Variants in KRTAP4-8 observed in about 807,000 individuals in gnomAD.
The protein encoded by KRTAP4-8 is keratin associated protein 4-8.
For missense variants in KRTAP4-8, 188 were observed against 237.4 expected, an observed-to-expected ratio of 0.79 and a Z score of 1.37; for synonymous variants, 66 against 86.6, an observed-to-expected ratio of 0.76 and a Z score of 1.32.
rs761803597 is a variant in KRTAP4-8, at chr17:41,097,976, T to A, written c.109A>T (p.Thr37Ser). Residue 37 changes from threonine (T) to serine (S), a missense_variant, in exon 1 of 1, where the codon ACC becomes TCC. Coordinates refer to ENST00000333822, the MANE Select transcript of KRTAP4-8 (RefSeq NM_031960.3). ...CTGTAGCTGGGGCGGTAGCAGGTGG[T>A]CCTGCAGCAGGTGGTCTGACAGCAG... ...PSCCQTTCCRTTCYRPSYSVS... is the reference protein window; with the variant it reads ...PSCCQTTCCRSTCYRPSYSVS... The A allele has an allele frequency of 9.3e-6, 15 of 1,613,182 alleles. No homozygotes were observed. In the Admixed American group the frequency reaches 2.3e-4, roughly 25 times the overall value.
Position 41,097,476 on chromosome 17 carries a change from T to C in KRTAP4-8, c.*51A>G. 2 of 1,530,596 alleles carry C rather than the reference T, an allele frequency of 1.3e-6. No individual in the cohort carries two copies. The highest frequency in any genetic ancestry group is 1.8e-6 in the Non-Finnish European group (2 of 1,135,994). The allele number at this position is 1,530,596 out of a possible 1,614,324, so 94.8% of individuals were successfully genotyped here. ...CCTAATATTCAGCACAGAAGAATGG[T>C]CTACATTTGTGGACCAGCGGTGAAG... On this transcript the variant is annotated 3_prime_UTR_variant, in exon 1 of 1. Coordinates refer to ENST00000333822, the MANE Select transcript of KRTAP4-8 (RefSeq NM_031960.3).
At position 41,097,532 on chromosome 17, in the gene KRTAP4-8, A is replaced by G. The variant is rs1456866334; in HGVS notation, c.553T>C (p.Cys185Arg). The G allele has an allele frequency of 1.3e-6, 2 of 1,562,640 alleles. No homozygotes were observed. The highest frequency in any genetic ancestry group is 2.7e-5 in the African/African-American group (2 of 73,222). The stretch of plus-strand genomic sequence containing the variant: ...GATGAGCCAGGGCAGTGGGCTCAGC[A>G]GCAAGAGGAGGCGCAGCACACGGGG... Reference protein sequence around the residue: ...PRPVCCASSCC With the variant: ...PRPVCCASSCR Residue 185 changes from cysteine (C) to arginine (R), a missense_variant, in exon 1 of 1, where the codon TGC becomes CGC. By Grantham distance (180) the Cys-to-Arg change is radical. Transcript: ENST00000333822.
rs2013855015 is a variant in KRTAP4-8 at position 41,097,030 on chromosome 17, T to A, written c.*497A>T. The A allele has an allele frequency of 1.2e-5, 2 of 163,454 alleles. No homozygotes were observed. The highest frequency in any genetic ancestry group is 2.7e-5 in the Non-Finnish European group (2 of 74,892). 10.1% of individuals were successfully genotyped at this position (163,454 alleles called of 1,614,324 possible). On this transcript the variant is annotated 3_prime_UTR_variant, in exon 1 of 1. Transcript: ENST00000333822. ...ATATATTTTGTGAACACAATAAAGA[T>A]AAAGAACTAATAAAATAGAAAAATT...
rs1172338161 is a variant in KRTAP4-8, at chr17:41,097,740, G to A, written c.345C>T (p.Cys115=). The part of the protein sequence containing the change: ...CVSSCCKPQC[C]QSVCCQPNCC... ...AGTTGGGCTGGCAGCACACAGACTG[G>A]CAGCACTGGGGCTTGCAGCAGCTGG... The change falls in exon 1 of 1, where the codon TGC becomes TGT. Residue 115 remains cysteine (C), a synonymous_variant. Coordinates refer to ENST00000333822, the MANE Select transcript of KRTAP4-8 (RefSeq NM_031960.3). 2.6e-6 allele frequency: 4 copies of A among 1,544,984 alleles called. No individual in the cohort carries two copies. In the African/African-American group the frequency reaches 5.4e-5, roughly 21 times the overall value.
In KRTAP4-8 at chr17:41,097,719, G is replaced by T. The variant is rs1381272923; in HGVS notation, c.366C>A (p.Pro122=). The T allele has an allele frequency of 3.4e-6, 5 of 1,486,618 alleles. No individual in the cohort carries two copies. Among genetic ancestry groups the T allele is most frequent in the African/African-American group, 1.4e-5 (1 of 72,306 alleles). The allele number at this position is 1,486,618 out of a possible 1,614,324, so 92.1% of individuals were successfully genotyped here. A position where few individuals can be genotyped will look rare whatever the true frequency, so the allele number is the denominator to read the frequency against. Residue 122 remains proline (P), a synonymous_variant, in exon 1 of 1, where the codon CCC becomes CCA. Coordinates refer to ENST00000333822, the MANE Select transcript of KRTAP4-8 (RefSeq NM_031960.3). ...TGCTGCAGCTGGGGCGGCAGCAGTT[G>T]GGCTGGCAGCACACAGACTGGCAGC... ...PQCCQSVCCQ[P]NCCRPSCSIS... is the part of the protein sequence containing the mutation.
Position 41,097,219 on chromosome 17 carries a change from C to G in KRTAP4-8, c.*308G>C, listed in dbSNP as rs2013859924. ...TGTGTACCTAATTGGGAAGGATATT[C>G]TGTAGGCTCAAAATGATTTTAAAAA... is the stretch of plus-strand genomic sequence containing the variant. On this transcript the variant is annotated 3_prime_UTR_variant, in exon 1 of 1. Transcript: ENST00000333822. 2.2e-5 allele frequency: 11 copies of G among 509,832 alleles called. No homozygotes were observed. The highest frequency in any genetic ancestry group is 1.9e-5 in the African/African-American group (1 of 52,094). 31.6% of individuals were successfully genotyped at this position (509,832 alleles called of 1,614,324 possible).
chr17:41,097,167 C>A lies in KRTAP4-8; in HGVS notation c.*360G>T, dbSNP rs2013858676. 2 of 324,178 alleles carry A rather than the reference C, an allele frequency of 6.2e-6. No homozygotes were observed. The highest frequency in any genetic ancestry group is 1.1e-5 in the Non-Finnish European group (2 of 178,662). The allele number at this position is 324,178 out of a possible 1,614,324, so 20.1% of individuals were successfully genotyped here. A position where few individuals can be genotyped will look rare whatever the true frequency, so the allele number is the denominator to read the frequency against. On this transcript the variant is annotated 3_prime_UTR_variant, in exon 1 of 1. Coordinates refer to ENST00000333822, the MANE Select transcript of KRTAP4-8 (RefSeq NM_031960.3). Reference sequence around the variant, plus strand: ...AAAGAATGACTGAAAGGCTGACAGACAAATAGTATGTTTGAAAGGGAGATA... The same window carrying A: ...AAAGAATGACTGAAAGGCTGACAGAAAAATAGTATGTTTGAAAGGGAGATA...
At position 41,097,319 on chromosome 17, in the gene KRTAP4-8, G is replaced by T. The variant is rs1197862418; in HGVS notation, c.*208C>A. 6.5e-6 allele frequency: 5 copies of T among 769,106 alleles called. No individual in the cohort carries two copies. The highest frequency in any genetic ancestry group is 1.0e-5 in the Non-Finnish European group (5 of 489,104). 47.6% of individuals were successfully genotyped at this position (769,106 alleles called of 1,614,324 possible). A position where few individuals can be genotyped will look rare whatever the true frequency, so the allele number is the denominator to read the frequency against. The stretch of plus-strand genomic sequence containing the variant: ...TTAATTCGTATTTGGTGCCATGACT[G>T]GAAGAAAAAGAAAGCAAGGGAGGGA... On this transcript the variant is annotated 3_prime_UTR_variant, in exon 1 of 1. Transcript: ENST00000333822.
At position 41,098,074 on chromosome 17, in the gene KRTAP4-8, G is replaced by T. The variant is rs1358537499; in HGVS notation, c.11C>A (p.Ser4Tyr). The T allele has an allele frequency of 1.9e-6, 3 of 1,542,788 alleles. No individual in the cohort carries two copies. Among genetic ancestry groups the T allele is most frequent in the Non-Finnish European group, 2.6e-6 (3 of 1,146,730 alleles). Residue 4 changes from serine to tyrosine, a missense_variant, in exon 1 of 1, where the codon TCC (serine) becomes TAC (tyrosine). Transcript: ENST00000333822. MVN[S>Y]CCGSVCSDQG... ...GTCAGAGCACACGGAGCCACAACAG[G>T]AGTTGACCATGGTGTCAGAGGGTGA...
chr17:41,097,300 C>G lies in KRTAP4-8; in HGVS notation c.*227G>C. On this transcript the variant is annotated 3_prime_UTR_variant, in exon 1 of 1. Coordinates refer to ENST00000333822, the MANE Select transcript of KRTAP4-8 (RefSeq NM_031960.3). ...TTAGCTAGTGGATTACAAATTAATT[C>G]GTATTTGGTGCCATGACTGGAAGAA... 1 of 665,592 alleles carries G rather than the reference C, an allele frequency of 1.5e-6. No individual in the cohort carries two copies. Among genetic ancestry groups the G allele is most frequent in the Non-Finnish European group, 2.5e-6 (1 of 399,290 alleles). The allele number at this position is 665,592 out of a possible 1,614,324, so 41.2% of individuals were successfully genotyped here.
At position 41,097,628 on chromosome 17, in the gene KRTAP4-8, G is replaced by C; in HGVS notation, c.457C>G (p.Pro153Ala). 6.3e-7 allele frequency: 1 copy of C among 1,579,320 alleles called. No individual in the cohort carries two copies. ...SCCRPCCCLR[P>A]VCGRVSCHTT... The stretch of plus-strand genomic sequence containing the variant: ...TGGCAGGAGACTCGGCCACAGACTG[G>C]ACGCAGGCAGCAGCAGGGGCGGCAG... The change falls in exon 1 of 1, where the codon CCA becomes GCA. Residue 153 changes from proline (P) to alanine (A), a missense_variant. Transcript: ENST00000333822.
Position 41,097,445 on chromosome 17 carries a change from A to C in KRTAP4-8, c.*82T>G. On this transcript the variant is annotated 3_prime_UTR_variant, in exon 1 of 1. Transcript: ENST00000333822. ...TGCTGAATGACATAAATCCCACTCCATGTGTCCTAATATTCAGCACAGAAG... is the reference window on the plus strand; with the variant it reads ...TGCTGAATGACATAAATCCCACTCCCTGTGTCCTAATATTCAGCACAGAAG... 1 of 1,493,774 alleles carries C rather than the reference A, an allele frequency of 6.7e-7. No homozygotes were observed. Among genetic ancestry groups the C allele is most frequent in the Non-Finnish European group, 9.0e-7 (1 of 1,114,660 alleles). 92.5% of individuals were successfully genotyped at this position (1,493,774 alleles called of 1,614,324 possible).
In KRTAP4-8 at chr17:41,097,958, TG is replaced by T; in HGVS notation, c.126del (p.Ser43AlafsTer194). On this transcript the variant is annotated frameshift_variant, in exon 1 of 1. Coordinates refer to ENST00000333822, the MANE Select transcript of KRTAP4-8 (RefSeq NM_031960.3). LOFTEE classifies it low-confidence loss of function (END_TRUNC). ...TTCCRTTCYR[P>X]SYSVSCCCRP... is the part of the protein sequence containing the mutation. ...CTGCAGCAGCAGGACACACTGTAGC[TG>T]GGGCGGTAGCAGGTGGTCCTGCAGC... 6.2e-7 allele frequency: 1 copy of T among 1,613,384 alleles called. No individual in the cohort carries two copies. The highest frequency in any genetic ancestry group is 1.1e-5 in the South Asian group (1 of 91,034).
In KRTAP4-8 at chr17:41,097,936, C is replaced by A; in HGVS notation, c.149G>T (p.Cys50Phe). The change falls in exon 1 of 1, where the codon TGC becomes TTC. Residue 50 changes from cysteine to phenylalanine, a missense_variant. Cys to Phe is a radical substitution (Grantham distance 205). Coordinates refer to ENST00000333822, the MANE Select transcript of KRTAP4-8 (RefSeq NM_031960.3). ...CACAGACTGGCAGCACTGGGGTCTG[C>A]AGCAGCAGGACACACTGTAGCTGGG... The part of the protein sequence containing the change: ...YRPSYSVSCC[C>F]RPQCCQSVCC... 1 of 1,604,950 alleles carries A rather than the reference C, an allele frequency of 6.2e-7. No individual in the cohort carries two copies.
At position 41,097,525 on chromosome 17, in the gene KRTAP4-8, G is replaced by T. The variant is rs1381426219; in HGVS notation, c.*2C>A. On this transcript the variant is annotated 3_prime_UTR_variant, in exon 1 of 1. Transcript: ENST00000333822. ...AGGGAGAGATGAGCCAGGGCAGTGGGCTCAGCAGCAAGAGGAGGCGCAGCA... is the reference window on the plus strand; with the variant it reads ...AGGGAGAGATGAGCCAGGGCAGTGGTCTCAGCAGCAAGAGGAGGCGCAGCA... 3 of 1,560,104 alleles carry T rather than the reference G, an allele frequency of 1.9e-6. No individual in the cohort carries two copies. The highest frequency in any genetic ancestry group is 2.6e-6 in the Non-Finnish European group (3 of 1,151,722).
rs1039405889 is a variant in KRTAP4-8, at chr17:41,097,347, T to C, written c.*180A>G. ...AGAAAAAGAAAGCAAGGGAGGGAGTTTAAAATGAACCAGAATGTTCTCACA... is the reference window on the plus strand; with the variant it reads ...AGAAAAAGAAAGCAAGGGAGGGAGTCTAAAATGAACCAGAATGTTCTCACA... On this transcript the variant is annotated 3_prime_UTR_variant, in exon 1 of 1. Transcript: ENST00000333822. The C allele has an allele frequency of 4.9e-6, 5 of 1,015,340 alleles. No homozygotes were observed. The highest frequency in any genetic ancestry group is 4.2e-6 in the Non-Finnish European group (3 of 711,730). 62.9% of individuals were successfully genotyped at this position (1,015,340 alleles called of 1,614,324 possible). A position where few individuals can be genotyped will look rare whatever the true frequency, so the allele number is the denominator to read the frequency against.
At position 41,097,291 on chromosome 17, in the gene KRTAP4-8, A is replaced by G. The variant is rs551963132; in HGVS notation, c.*236T>C. Reference sequence around the variant, plus strand: ...AATAATTTCTTAGCTAGTGGATTACAAATTAATTCGTATTTGGTGCCATGA... The same window carrying G: ...AATAATTTCTTAGCTAGTGGATTACGAATTAATTCGTATTTGGTGCCATGA... On this transcript the variant is annotated 3_prime_UTR_variant, in exon 1 of 1. Transcript: ENST00000333822. The G allele has an allele frequency of 1.5e-6, 1 of 652,484 alleles. No individual in the cohort carries two copies. Among genetic ancestry groups the G allele is most frequent in the South Asian group, 2.4e-5 (1 of 41,946 alleles). The allele number at this position is 652,484 out of a possible 1,614,324, so 40.4% of individuals were successfully genotyped here.
rs2013891515 is a variant in KRTAP4-8 at position 41,097,905 on chromosome 17, G to A, written c.180C>T (p.Cys60=). 1 of 1,593,174 alleles carries A rather than the reference G, an allele frequency of 6.3e-7. No individual in the cohort carries two copies. The change falls in exon 1 of 1, where the codon TGC becomes TGT. Residue 60 remains cysteine (C), a synonymous_variant. Transcript: ENST00000333822. ...AGCTGGGGCGACAGCAGGTGGGCTG[G>A]CAGCACACAGACTGGCAGCACTGGG... ...CRPQCCQSVC[C]QPTCCRPSCC... is the part of the protein sequence containing the mutation.
At position 41,098,017 on chromosome 17, in the gene KRTAP4-8, G is replaced by T. The variant is rs753185136; in HGVS notation, c.68C>A (p.Thr23Asn). 4 of 1,613,926 alleles carry T rather than the reference G, an allele frequency of 2.5e-6. No individual in the cohort carries two copies. The South Asian group carries it at 4.4e-5, about 18-fold the overall frequency. Residue 23 changes from threonine (T) to asparagine (N), a missense_variant, in exon 1 of 1, where the codon ACC (threonine) becomes AAC (asparagine). By Grantham distance (65) the Thr-to-Asn change is moderately conservative (BLOSUM62 0). Transcript: ENST00000333822. ...QGCGQDLCQE[T>N]CCCPSCCQTT... ...CTGACAGCAGCTGGGGCAGCAGCAGGTCTCCTGGCAGAGGTCTTGGCCACA... is the reference window on the plus strand; with the variant it reads ...CTGACAGCAGCTGGGGCAGCAGCAGTTCTCCTGGCAGAGGTCTTGGCCACA...
Sources: allele counts gnomAD v4.1 joint callset, GRCh38; gene constraint gnomAD v4.1.1; transcripts MANE v1.5; gene names NCBI Gene and HGNC (gene_info 2026-07-23, HGNC 2026-07-21).